The following CTPS2 variants were observed in gnomAD, a reference collection of about 807,000 sequenced individuals.
The protein encoded by CTPS2 is CTP synthase 2.
CTPS2 carries 19 observed loss-of-function variants against 46.8 expected under a neutral mutation model. The ratio of observed to expected loss-of-function variants is 0.41; its 90% CI spans 0.28 to 0.60. The LOEUF (loss-of-function observed/expected upper bound fraction) is 0.60. CTPS2 is among the 20% of genes least tolerant of loss of function. CTPS2 has a pLI of 0.35. For synonymous variants in CTPS2, 151 were observed against 165.2 expected (o/e 0.91, Z 0.66); for missense variants, 286 against 447.6 (o/e 0.64, Z 3.26).
intron 17 of CTPS2, among the ~76,000 whole-genome samples, chrX:16,597,223 T>C (rs1258925369): frequency 2.7e-5 from 3 of 112,070 alleles, no homozygotes; most frequent in Non-Finnish European, 5.6e-5. Flanking sequence ...CAATTTTGGC[T>C]TTTGTTGCCA....
In CTPS2 at chrX:16,628,947, C is replaced by T. The variant is rs187463398; in HGVS notation, c.1394-8615G>A. Among the ~76,000 whole-genome samples the T allele has an allele frequency of 8.9e-5, 10 of 112,005 alleles. No homozygotes were observed. The South Asian group carries it at 3.4e-3, about 38-fold the overall frequency. ...ACACTTAAACAGTGCCTTTTCTGTGCCAGGCACTGTTCTAAGGGCTCCCGC... is the reference window on the plus strand; with the variant it reads ...ACACTTAAACAGTGCCTTTTCTGTGTCAGGCACTGTTCTAAGGGCTCCCGC... On this transcript the variant is annotated intron_variant, in intron 14 of 18. Transcript: ENST00000359276.
intron 17 of CTPS2, among the ~76,000 whole-genome samples, chrX:16,591,741 C>T (rs768982787): frequency 3.1e-4 from 34 of 110,945 alleles, no homozygotes; most frequent in Non-Finnish European, 6.0e-4. Flanking sequence ...GGTCATAACA[C>T]CCCGGAAGGA....
chrX:16,688,629 AAGTT>A (rs759421281), intron 8 of CTPS2, among the ~76,000 whole-genome samples: 2 of 110,659 alleles, frequency 1.8e-5, no homozygotes, highest in East Asian at 5.6e-4. Flanking sequence ...ACTTGTCTGA[AAGTT>A]AGAATCCATC....
At chrX:16,679,123 C>G (rs1409181873) in intron 9 of CTPS2, among the ~76,000 whole-genome samples, 3 of 110,814 alleles carry the variant, frequency 2.7e-5, no homozygotes, top group Non-Finnish European at 5.7e-5. Flanking sequence ...TTTGGGAGGC[C>G]GAGGTGGGCA....
At chrX:16,645,464 G>A (rs184453762) in intron 13 of CTPS2, among the ~76,000 whole-genome samples, 126 of 110,840 alleles carry the variant, frequency 1.1e-3, no homozygotes, top group African/African-American at 3.7e-3. Context: ...CTCAGAGGCC[G>A]AGTACACACT....
In CTPS2 at chrX:16,667,584, A is replaced by G. The variant is rs1921304166; in HGVS notation, c.1253-27T>C. The G allele has an allele frequency of 3.3e-6, 4 of 1,206,195 alleles. No homozygotes were observed. In the East Asian group the frequency reaches 1.2e-4, roughly 36 times the overall value. Reference sequence around the variant, plus strand: ...TGAAGATTAAGAAAAGAGTTCAGTAATTCACCAATAGTGCTGAAAAATATT... The same window carrying G: ...TGAAGATTAAGAAAAGAGTTCAGTAGTTCACCAATAGTGCTGAAAAATATT... On this transcript the variant is annotated intron_variant, in intron 12 of 18. Coordinates refer to ENST00000359276, the MANE Select transcript of CTPS2 (RefSeq NM_175859.3).
At chrX:16,599,780 C>A (rs1319041643) in intron 17 of CTPS2, among the ~76,000 whole-genome samples, 7 of 107,450 alleles carry the variant, frequency 6.5e-5, no homozygotes, top group African/African-American at 2.4e-4. Context: ...CCGGCACCCC[C>A]CCCCTTTTTT....
At chrX:16,701,605 A>T (rs753863609) in intron 2 of CTPS2, among the ~76,000 whole-genome samples, 89 of 95,102 alleles carry the variant, frequency 9.4e-4, no homozygotes, top group African/African-American at 3.3e-3. Context: ...GGACACAAAC[A>T]TTTTTTTTTT....
intron 13 of CTPS2, among the ~76,000 whole-genome samples, chrX:16,653,503 G>A (rs1932750609): frequency 8.9e-6 from 1 of 111,864 alleles, no homozygotes; most frequent in Non-Finnish European, 1.9e-5. Context: ...CCAGCTACTC[G>A]GGAGGCTGAG....
chrX:16,683,254 A>G, intron 8 of CTPS2, 28 bp from the exon 9 acceptor site: 1 of 1,197,944 alleles, frequency 8.3e-7, no homozygotes, highest in African/African-American at 1.7e-5. Flanking sequence ...CTCAAAGGTT[A>G]TATGCACATA....
chrX:16,591,092 A>G, intron 17 of CTPS2: 1 of 283,133 alleles, frequency 3.5e-6, no homozygotes, highest in Admixed American at 6.1e-5. Flanking sequence ...CGTAAACTGG[A>G]AGTTACTTAT....
chrX:16,594,816 G>A (rs1472905806), intron 17 of CTPS2, among the ~76,000 whole-genome samples: 1 of 112,091 alleles, frequency 8.9e-6, no homozygotes, highest in African/African-American at 3.2e-5. Context: ...AGAGACTGGC[G>A]GTAGGACAAT....
At chrX:16,640,107 C>G (rs1274856826) in intron 13 of CTPS2, among the ~76,000 whole-genome samples, 1 of 111,514 alleles carries the variant, frequency 9.0e-6, no homozygotes, top group Non-Finnish European at 1.9e-5. Flanking sequence ...TCTATTCACA[C>G]AGCAAATCTT....
chrX:16,607,668 C>T (rs897464139), intron 17 of CTPS2, among the ~76,000 whole-genome samples: 1 of 112,986 alleles, frequency 8.9e-6, no homozygotes, highest in South Asian at 3.6e-4. Context: ...GGTTGTGTAA[C>T]AAGCACACAC....
At chrX:16,682,957 T>A in intron 9 of CTPS2, 137 bp downstream of exon 9, 1 of 628,741 alleles carries the variant, frequency 1.6e-6, no homozygotes, top group Admixed American at 2.9e-5. Context: ...AACTATATGA[T>A]GAGTCCTGTG....
chrX:16,667,300 T>A (rs1014579976), intron 13 of CTPS2, among the ~76,000 whole-genome samples: 10 of 110,127 alleles, frequency 9.1e-5, no homozygotes, highest in Non-Finnish European at 1.5e-4. Flanking sequence ...AGCCAGCTAA[T>A]TTTTGTATTT....
intron 1 of CTPS2, among the ~76,000 whole-genome samples, chrX:16,703,773 G>C (rs1924771431): frequency 9.0e-6 from 1 of 111,205 alleles, no homozygotes; most frequent in African/African-American, 3.3e-5. Context: ...AAAGTGCCTA[G>C]GTCTGTTGCC....
In CTPS2 at chrX:16,588,543, G is replaced by T. The variant is rs1207615133; in HGVS notation, c.*1274C>A. The stretch of plus-strand genomic sequence containing the variant: ...CATGAAAAAATGCTCTAGTGGGGGT[G>T]AGCCAAAGCCAAGCCCCCCTTCCTA... On this transcript the variant is annotated 3_prime_UTR_variant, in exon 19 of 19. Coordinates refer to ENST00000359276, the MANE Select transcript of CTPS2 (RefSeq NM_175859.3). 3.7e-4 allele frequency: 4 copies of T among 10,848 alleles called. No individual in the cohort carries two copies. Among genetic ancestry groups the T allele is most frequent in the Non-Finnish European group, 6.3e-4 (4 of 6,400 alleles). The allele number at this position is 10,848 out of a possible 1,213,427, so 0.9% of individuals were successfully genotyped here.
Position 16,702,906 on chromosome X carries a change from C to T in CTPS2, c.-4G>A. The T allele has an allele frequency of 8.3e-7, 1 of 1,199,404 alleles. No individual in the cohort carries two copies. The highest frequency in any genetic ancestry group is 1.1e-6 in the Non-Finnish European group (1 of 887,423). On this transcript the variant is annotated 5_prime_UTR_variant, in exon 2 of 19. Coordinates refer to ENST00000359276, the MANE Select transcript of CTPS2 (RefSeq NM_175859.3). The stretch of plus-strand genomic sequence containing the variant: ...CCGTGACCAGGATGTACTTCATTGG[C>T]AGAATAGTGGCTGGGTGCCAACACC...
Sources: allele counts gnomAD v4.1 joint callset (sites outside exome capture counted in the v4.1 genomes callset), GRCh38; gene constraint gnomAD v4.1.1; transcripts MANE v1.5; gene names NCBI Gene and HGNC (gene_info 2026-07-23, HGNC 2026-07-21).